The following SDK1 variants were observed in gnomAD, a reference collection of about 807,000 sequenced individuals.
SDK1 encodes sidekick cell adhesion molecule 1.
SDK1 carries 157 observed loss-of-function variants against 245.5 expected under a neutral mutation model. That is an observed-to-expected ratio of 0.64 (90% CI 0.56 to 0.73). SDK1 has a LOEUF of 0.73. Among genes scored for constraint, SDK1 ranks in the 30% least tolerant of loss-of-function variants. SDK1 has a pLI of 0.00. For synonymous variants in SDK1, 1,647 were observed against 1,278.5 expected (o/e 1.29, Z -6.15); for missense variants, 3,583 against 3,002.3 (o/e 1.19, Z -4.52).
chr7:4,181,095 G>T (rs1023102111), intron 35 of SDK1, among the ~76,000 whole-genome samples: 4 of 152,142 alleles, frequency 2.6e-5, no homozygotes, highest in Non-Finnish European at 5.9e-5. Flanking sequence ...TATGAAGCAG[G>T]CCCCCTTTTC....
At chr7:4,142,546 C>T (rs1562876846) in intron 28 of SDK1, among the ~76,000 whole-genome samples, 1 of 152,168 alleles carries the variant, frequency 6.6e-6, no homozygotes, top group Non-Finnish European at 1.5e-5. Context: ...TCAGGCTGGC[C>T]TCGAACTCCT....
intron 1 of SDK1, among the ~76,000 whole-genome samples, chr7:3,343,030 G>A (rs146819855): frequency 1.3e-5 from 2 of 148,628 alleles, no homozygotes; most frequent in African/African-American, 4.9e-5. Context: ...CCAAATGTTG[G>A]TGAAGATGCA....
intron 1 of SDK1, among the ~76,000 whole-genome samples, chr7:3,588,578 G>T (rs916040033): frequency 4.6e-5 from 7 of 152,134 alleles, no homozygotes; most frequent in Non-Finnish European, 4.4e-5. Context: ...ATTCATTGTT[G>T]AGGTGATGAA....
intron 1 of SDK1, among the ~76,000 whole-genome samples, chr7:3,544,389 C>T (rs193043098): frequency 8.5e-5 from 13 of 152,210 alleles, no homozygotes; most frequent in African/African-American, 2.9e-4. Context: ...TCACAGGCAG[C>T]ATGGGGCCTG....
chr7:3,634,505 A>C (rs558379094), intron 2 of SDK1, among the ~76,000 whole-genome samples: 7 of 152,358 alleles, frequency 4.6e-5, no homozygotes, highest in Admixed American at 4.6e-4. Flanking sequence ...TTCTGCCTTG[A>C]TAGAGTGAAT....
At chr7:3,451,767 T>A (rs2128591806) in intron 1 of SDK1, among the ~76,000 whole-genome samples, 2 of 152,304 alleles carry the variant, frequency 1.3e-5, no homozygotes, top group Middle Eastern at 6.8e-3. Context: ...TTGCTCTCCT[T>A]CAAAACGTCC....
At chr7:3,322,699 T>G (rs1421553878) in intron 1 of SDK1, among the ~76,000 whole-genome samples, 1 of 152,230 alleles carries the variant, frequency 6.6e-6, no homozygotes, top group Admixed American at 6.5e-5. Flanking sequence ...TTTGTTTTCC[T>G]TTGCAGTGTA....
intron 4 of SDK1, among the ~76,000 whole-genome samples, chr7:3,730,225 A>G (rs1404342577): frequency 1.3e-5 from 2 of 152,198 alleles, no homozygotes; most frequent in Non-Finnish European, 2.9e-5. Flanking sequence ...AGGGAAGGGC[A>G]TCTCAGCCTC....
intron 1 of SDK1, among the ~76,000 whole-genome samples, chr7:3,538,501 C>G (rs969507196): frequency 3.9e-5 from 6 of 152,192 alleles, no homozygotes; most frequent in South Asian, 2.1e-4. Flanking sequence ...CATTTCGACT[C>G]CAACACTTGC....
chr7:3,416,865 T>G (rs1779379504), intron 1 of SDK1, among the ~76,000 whole-genome samples: 1 of 152,082 alleles, frequency 6.6e-6, no homozygotes, highest in South Asian at 2.1e-4. Context: ...GGTTAGAACC[T>G]AGAAAGTGAT....
chr7:3,518,487 GA>G lies in SDK1; in HGVS notation c.299-100583del, dbSNP rs5881988. Reference sequence around the variant, plus strand: ...TACTAGGAACTTAAACATCTGAACAGAAAAAAAAAAGAAAGATTAAAAAATG... The same window carrying G: ...TACTAGGAACTTAAACATCTGAACAGAAAAAAAAAGAAAGATTAAAAAATG... On this transcript the variant is annotated intron_variant, in intron 1 of 44. Transcript: ENST00000404826. 8.1e-3 allele frequency among the ~76,000 whole-genome samples: 1,178 copies of G among 146,004 alleles called. 7 individuals are homozygous for G. Among genetic ancestry groups the G allele is most frequent in the Non-Finnish European group, 0.011 (746 of 66,010 alleles).
chr7:4,197,107 G>T (rs1450627324), intron 35 of SDK1, among the ~76,000 whole-genome samples: 2 of 152,152 alleles, frequency 1.3e-5, no homozygotes. Context: ...TCCCACCTGG[G>T]GTTAGAGCAG....
At chr7:4,048,724 G>T (rs1340402126) in intron 17 of SDK1, among the ~76,000 whole-genome samples, 1 of 152,158 alleles carries the variant, frequency 6.6e-6, no homozygotes, top group Non-Finnish European at 1.5e-5. Context: ...ACAGTTACAC[G>T]AGCATGTCCC....
chr7:4,268,794 A>G lies in SDK1; in HGVS notation c.*3410A>G, dbSNP rs752393429. 2 of 1,333,472 alleles carry G rather than the reference A, an allele frequency of 1.5e-6. No homozygotes were observed. Among genetic ancestry groups the G allele is most frequent in the Non-Finnish European group, 1.0e-6 (1 of 990,878 alleles). 82.6% of individuals were successfully genotyped at this position (1,333,472 alleles called of 1,614,324 possible). A position where few individuals can be genotyped will look rare whatever the true frequency, so the allele number is the denominator to read the frequency against. On this transcript the variant is annotated 3_prime_UTR_variant, in exon 45 of 45. Transcript: ENST00000404826. ...GGTGAGGACAACGTGGAAACTCATGAGCTGAGCCTGCCCGCTGGGACACGT... is the reference window on the plus strand; with the variant it reads ...GGTGAGGACAACGTGGAAACTCATGGGCTGAGCCTGCCCGCTGGGACACGT...
intron 9 of SDK1, among the ~76,000 whole-genome samples, chr7:3,963,350 G>A (rs1162360491): frequency 1.4e-5 from 1 of 70,718 alleles, no homozygotes; most frequent in Non-Finnish European, 2.5e-5. Context: ...GATGTAACCA[G>A]TGGGTACACC....
intron 1 of SDK1, among the ~76,000 whole-genome samples, chr7:3,403,842 T>TATATATATA (rs1778963503): frequency 5.0e-5 from 4 of 80,738 alleles, no homozygotes; most frequent in Admixed American, 2.4e-4. Flanking sequence ...TATATATATA[T>TATATATATA]ATATATATAT....
intron 1 of SDK1, among the ~76,000 whole-genome samples, chr7:3,536,981 C>A (rs1778907543): frequency 6.6e-6 from 1 of 151,968 alleles, no homozygotes; most frequent in South Asian, 2.1e-4. Flanking sequence ...TTCAATCTCT[C>A]TATTTTTTTA....
At position 4,226,411 on chromosome 7, in the gene SDK1, C is replaced by T. The variant is rs547736745; in HGVS notation, c.5827+5047C>T. ...TTGCTGCTTTGCAGAGGGTGGCCAG[C>T]GGGCCTGGGCAGCCCGGGCAGATGG... On this transcript the variant is annotated intron_variant, in intron 40 of 44. Transcript: ENST00000404826. 2.7e-4 allele frequency among the ~76,000 whole-genome samples: 41 copies of T among 152,338 alleles called. No homozygotes were observed. In the South Asian group the frequency reaches 7.9e-3, roughly 29 times the overall value.
Position 3,523,581 on chromosome 7 carries a change from C to G in SDK1, c.299-95499C>G, listed in dbSNP as rs1475396033. Among the ~76,000 whole-genome samples, 3 of 152,020 alleles carry G rather than the reference C, an allele frequency of 2.0e-5. No individual in the cohort carries two copies. The East Asian group carries it at 5.8e-4, about 29-fold the overall frequency. On this transcript the variant is annotated intron_variant, in intron 1 of 44. Coordinates refer to ENST00000404826, the MANE Select transcript of SDK1 (RefSeq NM_152744.4). ...GACGGTCTTTTTCGACCCCATACAG[C>G]CTTTATTCTCTGCGGTACTCAATGT... is the stretch of plus-strand genomic sequence containing the variant.
Sources: gnomAD v4.1 joint callset for allele counts (sites outside exome capture counted in the v4.1 genomes callset) on GRCh38, gnomAD v4.1.1 for gene constraint, MANE v1.5 for transcripts, NCBI Gene and HGNC (gene_info 2026-07-23, HGNC 2026-07-21) for gene names.